The following RGS6 variants were observed in gnomAD, a reference collection of about 807,000 sequenced individuals.
RGS6 encodes the protein regulator of G-protein signaling 6.
In RGS6, 30 loss-of-function variants were observed where a neutral mutation model predicts 78.5. The observed-to-expected ratio is 0.38, with a 90% CI of 0.29 to 0.52. The LOEUF (loss-of-function observed/expected upper bound fraction) is 0.52. Ranked by LOEUF, RGS6 falls within the 20% of genes least tolerant of loss-of-function variation. The pLI is 0.85. For synonymous variants in RGS6, 206 were observed against 206.0 expected, an observed-to-expected ratio of 1.00 and a Z score of 0.00; for missense variants, 495 against 609.7, an observed-to-expected ratio of 0.81 and a Z score of 1.98.
chr14:72,365,987 A>G (rs1012483633), intron 3 of RGS6, among the ~76,000 whole-genome samples: 1 of 152,270 alleles, frequency 6.6e-6, no homozygotes, highest in Non-Finnish European at 1.5e-5. Context: ...AGAACATTTT[A>G]TGTAAGAGAT....
the RGS6 span, among the ~76,000 whole-genome samples, chr14:71,925,009 T>C: frequency 6.6e-6 from 1 of 152,224 alleles, no homozygotes; most frequent in African/African-American, 2.4e-5. Context: ...ACGTTTTCCA[T>C]AATGGCTCTA....
At chr14:72,301,620 C>G (rs1232138739) in intron 2 of RGS6, among the ~76,000 whole-genome samples, 1 of 152,182 alleles carries the variant, frequency 6.6e-6, no homozygotes, top group African/African-American at 2.4e-5. Context: ...AATTTGCAAT[C>G]TCAGTTCTGG....
chr14:72,275,637 G>A (rs763278521), intron 2 of RGS6, among the ~76,000 whole-genome samples: 2 of 152,100 alleles, frequency 1.3e-5, no homozygotes, highest in Non-Finnish European at 2.9e-5. Context: ...GCATCTATTG[G>A]CATAAAACAT....
At chr14:72,196,981 T>A (rs1309736029) in intron 2 of RGS6, among the ~76,000 whole-genome samples, 1 of 152,218 alleles carries the variant, frequency 6.6e-6, no homozygotes, top group Admixed American at 6.5e-5. Context: ...GTTGGACCAA[T>A]GAGAATGAAA....
intron 2 of RGS6, among the ~76,000 whole-genome samples, chr14:72,297,256 G>T (rs1219278247): frequency 6.6e-6 from 1 of 151,856 alleles, no homozygotes; most frequent in Non-Finnish European, 1.5e-5. Context: ...GGCTATTCTA[G>T]GTCCTTTGCA....
chr14:72,264,845 T>G (rs1243412931), intron 2 of RGS6, among the ~76,000 whole-genome samples: 1 of 152,206 alleles, frequency 6.6e-6, no homozygotes, highest in Non-Finnish European at 1.5e-5. Flanking sequence ...GATATCTCAG[T>G]TATCCCATCT....
intron 2 of RGS6, among the ~76,000 whole-genome samples, chr14:72,100,820 T>G (rs1384534247): frequency 1.3e-5 from 2 of 152,198 alleles, no homozygotes; most frequent in Admixed American, 1.3e-4. Context: ...TCCAACCACT[T>G]AAATCATAGT....
rs1039650345 is a variant in RGS6, at chr14:72,350,553, G to C, written c.85-1542G>C. 3.9e-5 allele frequency among the ~76,000 whole-genome samples: 6 copies of C among 152,060 alleles called. No homozygotes were observed. In the East Asian group the frequency reaches 9.6e-4, roughly 24 times the overall value. ...GCAAACATGCTCTATGTAACTTCTGGATTACACTATTTAATACCCAGTGAG... is the reference window on the plus strand; with the variant it reads ...GCAAACATGCTCTATGTAACTTCTGCATTACACTATTTAATACCCAGTGAG... On this transcript the variant is annotated intron_variant, in intron 2 of 17. Coordinates refer to ENST00000553525, the MANE Select transcript of RGS6 (RefSeq NM_001204424.2).
chr14:72,192,629 G>A (rs1599187917), intron 2 of RGS6, among the ~76,000 whole-genome samples: 1 of 152,122 alleles, frequency 6.6e-6, no homozygotes, highest in South Asian at 2.1e-4. Context: ...CCTCCCTTAA[G>A]ACATCCTATT....
At chr14:72,276,380 T>TA (rs2060668739) in intron 2 of RGS6, among the ~76,000 whole-genome samples, 1 of 152,108 alleles carries the variant, frequency 6.6e-6, no homozygotes, top group Non-Finnish European at 1.5e-5. Context: ...AAAAAGTCTT[T>TA]AAAAAAATAA....
At chr14:72,532,545 G>A (rs1413518766) in intron 15 of RGS6, among the ~76,000 whole-genome samples, 1 of 152,202 alleles carries the variant, frequency 6.6e-6, no homozygotes, top group Non-Finnish European at 1.5e-5. Flanking sequence ...AGTGAGGAAG[G>A]CATGTTGAAA....
At chr14:72,068,795 C>A (rs945155895) in intron 2 of RGS6, among the ~76,000 whole-genome samples, 6 of 151,710 alleles carry the variant, frequency 4.0e-5, no homozygotes, top group Non-Finnish European at 5.9e-5. Flanking sequence ...GCGCCCGGCC[C>A]ACTCTTCCTT....
At chr14:72,256,416 T>G (rs571304147) in intron 2 of RGS6, among the ~76,000 whole-genome samples, 1 of 152,306 alleles carries the variant, frequency 6.6e-6, no homozygotes, top group South Asian at 2.1e-4. Context: ...ATGTTATCTA[T>G]AGGAGCAATT....
chr14:72,203,010 G>A (rs2041908773), intron 2 of RGS6, among the ~76,000 whole-genome samples: 1 of 152,074 alleles, frequency 6.6e-6, no homozygotes, highest in African/African-American at 2.4e-5. Context: ...GAATAGCTGA[G>A]ACTACAGGCG....
intron 2 of RGS6, among the ~76,000 whole-genome samples, chr14:72,018,145 G>A (rs2190869): frequency 0.9 from 137,044 of 152,078 alleles, 61,934 homozygotes; most frequent in East Asian, 0.98. Flanking sequence ...TGGTGTATAT[G>A]TACCACACAA....
At chr14:72,299,334 A>G (rs1004728858) in intron 2 of RGS6, among the ~76,000 whole-genome samples, 3 of 152,192 alleles carry the variant, frequency 2.0e-5, no homozygotes, top group Non-Finnish European at 4.4e-5. Flanking sequence ...AGATTTGCCT[A>G]TTCCAGACTT....
chr14:71,912,871 G>A, the RGS6 span, among the ~76,000 whole-genome samples: 2 of 151,734 alleles, frequency 1.3e-5, no homozygotes, highest in African/African-American at 4.8e-5. Flanking sequence ...TGTCACCCAG[G>A]CTGGAGTGCA....
intron 2 of RGS6, among the ~76,000 whole-genome samples, chr14:72,180,081 A>C (rs1206443959): frequency 1.3e-5 from 2 of 152,232 alleles, no homozygotes; most frequent in Admixed American, 1.3e-4. Flanking sequence ...GAGTTTAAGA[A>C]GGAAGTTTGA....
chr14:72,062,015 A>G (rs1290287694), intron 2 of RGS6, among the ~76,000 whole-genome samples: 3 of 152,244 alleles, frequency 2.0e-5, no homozygotes, highest in Non-Finnish European at 4.4e-5. Flanking sequence ...TAATAAGCAA[A>G]CAAAGAAAGG....
Sources: gnomAD v4.1 joint callset for allele counts (sites outside exome capture counted in the v4.1 genomes callset) on GRCh38, gnomAD v4.1.1 for gene constraint, MANE v1.5 for transcripts, NCBI Gene and HGNC (gene_info 2026-07-23, HGNC 2026-07-21) for gene names.